The following RSU1 variants were observed in gnomAD, a reference collection of about 807,000 sequenced individuals.
RSU1 encodes the protein Ras suppressor protein 1.
RSU1 carries 26 observed loss-of-function variants against 31.1 expected under a neutral mutation model. That is an observed-to-expected ratio of 0.84 (90% CI 0.61 to 1.16). The LOEUF is 1.16. RSU1 is among the 50% of genes most tolerant of loss of function. RSU1 has a pLI of 0.00. For missense variants in RSU1, 320 were observed against 339.1 expected (o/e 0.94, Z 0.44); for synonymous variants, 164 against 136.3 (o/e 1.20, Z -1.41).
intron 7 of RSU1, among the ~76,000 whole-genome samples, chr10:16,727,800 A>G (rs1319658845): frequency 6.6e-6 from 1 of 152,182 alleles, no homozygotes; most frequent in African/African-American, 2.4e-5. Context: ...TGCTATTTAG[A>G]CAACCAAATT....
At chr10:16,637,822 CAA>C (rs397738474) in intron 8 of RSU1, among the ~76,000 whole-genome samples, 1 of 129,758 alleles carries the variant, frequency 7.7e-6, no homozygotes. Flanking sequence ...TATGGATCCT[CAA>C]AAAAAAAAAA....
chr10:16,713,087 T>C (rs903404513), intron 7 of RSU1, among the ~76,000 whole-genome samples: 1 of 152,236 alleles, frequency 6.6e-6, no homozygotes. Context: ...ACTAGTAGTC[T>C]AATGGACATT....
intron 6 of RSU1, 84 bp from the exon 7 acceptor site, chr10:16,752,737 C>T (rs1837004755): frequency 9.0e-7 from 1 of 1,106,834 alleles, no homozygotes. Context: ...GTCCTCTCTT[C>T]TACTAAAGCT....
At chr10:16,775,785 T>C (rs1462254809) in intron 3 of RSU1, among the ~76,000 whole-genome samples, 1 of 152,214 alleles carries the variant, frequency 6.6e-6, no homozygotes, top group Non-Finnish European at 1.5e-5. Flanking sequence ...GACTCAAAGA[T>C]ACTATGCATA....
At chr10:16,754,797 C>T (rs779111356) in intron 5 of RSU1, 74 bp downstream of exon 5, 125 of 892,418 alleles carry the variant, frequency 1.4e-4, no homozygotes, top group Non-Finnish European at 8.1e-5. Flanking sequence ...GAGTTTGGGT[C>T]CTGGCAAATA....
At chr10:16,792,056 T>A (rs1837929023) in intron 2 of RSU1, among the ~76,000 whole-genome samples, 1 of 152,122 alleles carries the variant, frequency 6.6e-6, no homozygotes, top group Non-Finnish European at 1.5e-5. Context: ...CACAAAATGA[T>A]ATGGAACTTG....
At chr10:16,625,073 T>C (rs1834132273) in intron 8 of RSU1, among the ~76,000 whole-genome samples, 1 of 152,214 alleles carries the variant, frequency 6.6e-6, no homozygotes, top group Non-Finnish European at 1.5e-5. Flanking sequence ...GATGGGAACA[T>C]TAGCTGCATA....
rs2131447459 is a variant in RSU1 at position 16,593,134 on chromosome 10, A to C, written c.*260T>G. The C allele has an allele frequency of 2.4e-6, 1 of 425,316 alleles. No individual in the cohort carries two copies. 26.3% of individuals were successfully genotyped at this position (425,316 alleles called of 1,614,324 possible). On this transcript the variant is annotated 3_prime_UTR_variant, in exon 9 of 9. Transcript: ENST00000345264. ...AAGAAAAGCCAGAGCCCACTATGGA[A>C]TTCGCAGTTGAATAAGAGCTTTGTT...
At chr10:16,770,285 C>A (rs1837397393) in intron 3 of RSU1, among the ~76,000 whole-genome samples, 1 of 152,054 alleles carries the variant, frequency 6.6e-6, no homozygotes, top group Non-Finnish European at 1.5e-5. Context: ...TGGGTGCAGC[C>A]CACGGGAGGG....
At chr10:16,798,416 T>G (rs2131668384) in intron 2 of RSU1, among the ~76,000 whole-genome samples, 1 of 152,308 alleles carries the variant, frequency 6.6e-6, no homozygotes, top group East Asian at 1.9e-4. Context: ...AGAGACCGGG[T>G]GGAGATAACT....
intron 8 of RSU1, among the ~76,000 whole-genome samples, chr10:16,651,033 T>A (rs1834676666): frequency 6.6e-6 from 1 of 152,248 alleles, no homozygotes; most frequent in African/African-American, 2.4e-5. Context: ...TTGAATCATC[T>A]TTATTAGATA....
At chr10:16,623,352 A>G (rs982978720) in intron 8 of RSU1, among the ~76,000 whole-genome samples, 1 of 152,188 alleles carries the variant, frequency 6.6e-6, no homozygotes, top group Non-Finnish European at 1.5e-5. Flanking sequence ...TGTTGCTGCA[A>G]AGGATGTAAT....
At chr10:16,646,468 G>A (rs1834572647) in intron 8 of RSU1, among the ~76,000 whole-genome samples, 1 of 152,024 alleles carries the variant, frequency 6.6e-6, no homozygotes, top group Admixed American at 6.6e-5. Flanking sequence ...TGACTCTTTT[G>A]CCCCGATCAA....
At chr10:16,757,747 C>G (rs1837129032) in intron 4 of RSU1, among the ~76,000 whole-genome samples, 1 of 152,216 alleles carries the variant, frequency 6.6e-6, no homozygotes, top group South Asian at 2.1e-4. Flanking sequence ...GACCCTTGGG[C>G]TCTGATACAA....
chr10:16,790,330 C>T (rs1837885212), intron 2 of RSU1, among the ~76,000 whole-genome samples: 1 of 152,166 alleles, frequency 6.6e-6, no homozygotes, highest in Non-Finnish European at 1.5e-5. Flanking sequence ...CCAGCTGTCC[C>T]TCTAAAAAAT....
At chr10:16,773,395 G>A (rs1324950144) in intron 3 of RSU1, among the ~76,000 whole-genome samples, 14 of 151,998 alleles carry the variant, frequency 9.2e-5, no homozygotes, top group Non-Finnish European at 1.6e-4. Context: ...CATTCCCTTC[G>A]AAATAACCCA....
At chr10:16,661,014 G>T (rs1834879422) in intron 8 of RSU1, among the ~76,000 whole-genome samples, 1 of 151,972 alleles carries the variant, frequency 6.6e-6, no homozygotes, top group South Asian at 2.1e-4. Context: ...TAATTGCAAT[G>T]ATTATATTTT....
At chr10:16,762,379 A>G (rs1226999441) in intron 4 of RSU1, among the ~76,000 whole-genome samples, 3 of 151,674 alleles carry the variant, frequency 2.0e-5, no homozygotes, top group Admixed American at 1.3e-4. Context: ...ATATACATCT[A>G]TATGTAGTTT....
At chr10:16,677,346 T>C (rs980769939) in intron 8 of RSU1, among the ~76,000 whole-genome samples, 1 of 152,150 alleles carries the variant, frequency 6.6e-6, no homozygotes. Context: ...TGGATGTGCA[T>C]GGTAGGAACA....
Sources: gnomAD v4.1 joint callset for allele counts (sites outside exome capture counted in the v4.1 genomes callset) on GRCh38, gnomAD v4.1.1 for gene constraint, MANE v1.5 for transcripts, NCBI Gene and HGNC (gene_info 2026-07-23, HGNC 2026-07-21) for gene names.